Variants in TTF1 observed in about 807,000 individuals in gnomAD.
The protein encoded by TTF1 is transcription termination factor, RNA polymerase I.
TTF1 carries 64 observed loss-of-function variants against 80.2 expected under a neutral mutation model. That is an observed-to-expected ratio of 0.80 (90% CI 0.65 to 0.98). The LOEUF (loss-of-function observed/expected upper bound fraction) is 0.98. Ranked by LOEUF, TTF1 falls within the 50% of genes least tolerant of loss-of-function variation. The pLI is 0.00. For synonymous variants in TTF1, 372 were observed against 382.7 expected, an observed-to-expected ratio of 0.97 and a Z score of 0.33; for missense variants, 1,023 against 1,086.2, an observed-to-expected ratio of 0.94 and a Z score of 0.82.
chr9:132,378,393 G>A lies in TTF1; in HGVS notation c.2464+666C>T, dbSNP rs567963632. Among the ~76,000 whole-genome samples, 22 of 133,400 alleles carry A rather than the reference G, an allele frequency of 1.6e-4. 1 individual carries two copies. Among genetic ancestry groups the A allele is most frequent in the Admixed American group, 3.1e-4 (4 of 12,982 alleles). 87.5% of individuals were successfully genotyped at this position (133,400 alleles called of 152,430 possible). A position where few individuals can be genotyped will look rare whatever the true frequency, so the allele number is the denominator to read the frequency against. On this transcript the variant is annotated intron_variant, in intron 10 of 10. Transcript: ENST00000334270. ...ATGCATGTGGTGTGTGTGAGTGCAT[G>A]CATGTGGTGTGAGTGCATGTGGTGT...
In TTF1 at chr9:132,384,321, C is replaced by T. The variant is rs978729479; in HGVS notation, c.2378+2235G>A. Among the ~76,000 whole-genome samples, 6 of 152,026 alleles carry T rather than the reference C, an allele frequency of 3.9e-5. No individual in the cohort carries two copies. The highest frequency in any genetic ancestry group is 1.2e-4 in the African/African-American group (5 of 41,378). On this transcript the variant is annotated intron_variant, in intron 9 of 10. Transcript: ENST00000334270. This position sits in a 1 kb window ranked among gnomAD's most constrained non-coding sequence, Gnocchi z 4.1. ...AGAAAAATGGAAAATGAGCTAAGAA[C>T]CCATCTCAAGAAGTTGAAGAACAGC...
chr9:132,385,170 G>A (rs556166275), intron 9 of TTF1, among the ~76,000 whole-genome samples: 67 of 152,258 alleles, frequency 4.4e-4, no homozygotes, highest in African/African-American at 1.5e-3. Context: ...TAACACATCT[G>A]AGTCACCTGG....
rs1312122066 is a variant in TTF1 at position 132,404,632 on chromosome 9, A to G, written c.-7-1804T>C. On this transcript the variant is annotated intron_variant, in intron 1 of 10. Transcript: ENST00000334270. ...AAAAATGCAACTGTCGTTTAACCCT[A>G]AAGTCTCATCCAGCTGTTCTCTTTC... 1.3e-5 allele frequency among the ~76,000 whole-genome samples: 2 copies of G among 152,168 alleles called. 1 individual carries two copies. Among genetic ancestry groups the G allele is most frequent in the South Asian group, 4.1e-4 (2 of 4,830 alleles).
At chr9:132,388,327 C>T in intron 7 of TTF1, 99 bp from the exon 8 acceptor site, 2 of 759,930 alleles carry the variant, frequency 2.6e-6, no homozygotes. Context: ...CATTCAGAAC[C>T]AACTTCTAAC....
At chr9:132,378,159 GTGCATGTGGTGTGTGTGAA>G (rs1564181901) in intron 10 of TTF1, among the ~76,000 whole-genome samples, 4 of 110,878 alleles carry the variant, frequency 3.6e-5, no homozygotes, top group Admixed American at 1.9e-4. Context: ...GTGTGTGTGA[GTGCATGTGGTGTGTGTGAA>G]TGCATGTGGT....
intron 6 of TTF1, among the ~76,000 whole-genome samples, chr9:132,391,872 A>C (rs1030900093): frequency 2.0e-5 from 3 of 152,220 alleles, no homozygotes; most frequent in African/African-American, 4.8e-5. Context: ...GTGTGGTAAA[A>C]ACCAGCCTAG....
intron 4 of TTF1, among the ~76,000 whole-genome samples, 183 bp from the exon 5 acceptor site, chr9:132,396,694 G>A (rs373493668): frequency 1.3e-5 from 2 of 148,542 alleles, no homozygotes; most frequent in Non-Finnish European, 1.5e-5. Flanking sequence ...TTTTGAGAGA[G>A]TCTCACTCTG....
At chr9:132,379,400 C>T (rs1320876286) in intron 9 of TTF1, among the ~76,000 whole-genome samples, 1 of 152,200 alleles carries the variant, frequency 6.6e-6, no homozygotes, top group African/African-American at 2.4e-5. Context: ...ATTAAGATAA[C>T]TTGTATCACT....
At position 132,401,969 on chromosome 9, in the gene TTF1, G is replaced by A. The variant is rs1224919145; in HGVS notation, c.853C>T (p.His285Tyr). The part of the protein sequence containing the change: ...SKKKKKKKSN[H>Y]QEFEALAMPE... The stretch of plus-strand genomic sequence containing the variant: ...ATGGCCAATGCCTCAAATTCCTGGT[G>A]ATTGGACTTTTTCTTCTTTTTTTTC... Residue 285 changes from histidine to tyrosine, a missense_variant, in exon 2 of 11, where the codon CAC becomes TAC. Physicochemically the swap from His to Tyr is moderately conservative, Grantham distance 83. Transcript: ENST00000334270. The A allele has an allele frequency of 6.2e-7, 1 of 1,613,786 alleles. No individual in the cohort carries two copies. The highest frequency in any genetic ancestry group is 2.2e-5 in the East Asian group (1 of 44,866).
intron 4 of TTF1, 89 bp from the exon 5 acceptor site, chr9:132,396,600 T>C (rs1166321): frequency 0.82 from 821,985 of 1,002,648 alleles, 340,483 homozygotes; most frequent in Non-Finnish European, 0.86. Context: ...TATAACAACA[T>C]GAACTATCCT....
chr9:132,396,932 C>T (rs1299445454), intron 4 of TTF1, among the ~76,000 whole-genome samples: 2 of 151,998 alleles, frequency 1.3e-5, no homozygotes, highest in Non-Finnish European at 2.9e-5. Flanking sequence ...TGGCCAGGTT[C>T]ATTTGGTGGC....
intron 9 of TTF1, among the ~76,000 whole-genome samples, chr9:132,380,314 G>A (rs1849347401): frequency 6.6e-6 from 1 of 152,096 alleles, no homozygotes; most frequent in African/African-American, 2.4e-5. Flanking sequence ...CCTGACTTCA[G>A]GTGACCCACC....
At chr9:132,378,208 AATGCATGTGGTGTGTGAGTGC>A (rs1849276034) in intron 10 of TTF1, among the ~76,000 whole-genome samples, 4 of 60,560 alleles carry the variant, frequency 6.6e-5, no homozygotes, top group East Asian at 6.1e-4. Context: ...TGTGCGTGTG[AATGCATGTGGTGTGTGAGTGC>A]ATGCATGTGG....
intron 5 of TTF1, among the ~76,000 whole-genome samples, chr9:132,393,983 A>G (rs1337607623): frequency 2.0e-5 from 3 of 151,196 alleles, no homozygotes; most frequent in Admixed American, 6.6e-5. Context: ...GCACAGTGGC[A>G]TGATCATGGC....
intron 9 of TTF1, 47 bp downstream of exon 9, chr9:132,386,509 G>T: frequency 7.1e-7 from 1 of 1,400,778 alleles, no homozygotes; most frequent in Non-Finnish European, 1.0e-6. Flanking sequence ...TATTTATTAA[G>T]TCATCTCTAT....
At chr9:132,391,801 C>T (rs1849563558) in intron 6 of TTF1, among the ~76,000 whole-genome samples, 1 of 152,224 alleles carries the variant, frequency 6.6e-6, no homozygotes, top group Non-Finnish European at 1.5e-5. Flanking sequence ...GGCTCTCCCA[C>T]CACCAGTTTA....
At chr9:132,405,455 G>A (rs1849849583) in intron 1 of TTF1, among the ~76,000 whole-genome samples, 1 of 152,174 alleles carries the variant, frequency 6.6e-6, no homozygotes, top group South Asian at 2.1e-4. Context: ...TGACCCACCT[G>A]CCTCGGCCTC....
At position 132,405,348 on chromosome 9, in the gene TTF1, C is replaced by T. The variant is rs1467230244; in HGVS notation, c.-8+1442G>A. The stretch of plus-strand genomic sequence containing the variant: ...GCCTCCGGAGTAGTAGCTGGGATTA[C>T]AGGCGCAAGCCACCAAGCCTGGCTA... On this transcript the variant is annotated intron_variant, in intron 1 of 10. Transcript: ENST00000334270. Among the ~76,000 whole-genome samples the T allele has an allele frequency of 2.6e-5, 4 of 152,340 alleles. No homozygotes were observed. The South Asian group carries it at 6.2e-4, about 24-fold the overall frequency.
chr9:132,384,697 C>T lies in TTF1; in HGVS notation c.2378+1859G>A, dbSNP rs1292054562. Among the ~76,000 whole-genome samples, 1 of 152,136 alleles carries T rather than the reference C, an allele frequency of 6.6e-6. No homozygotes were observed. The highest frequency in any genetic ancestry group is 1.5e-5 in the Non-Finnish European group (1 of 68,036). On this transcript the variant is annotated intron_variant, in intron 9 of 10. Coordinates refer to ENST00000334270, the MANE Select transcript of TTF1 (RefSeq NM_007344.4). The surrounding 1 kb of genome is among the most constrained non-coding windows in gnomAD (Gnocchi z 4.1). ...TTTGAGATGGAGTCTTGCTCTGTTG[C>T]CCAGGCTGGAGTGCAATGGCATGAT...
Sources: allele counts gnomAD v4.1 joint callset (sites outside exome capture counted in the v4.1 genomes callset), GRCh38; gene constraint gnomAD v4.1.1; non-coding constraint Gnocchi (gnomAD v3.1); transcripts MANE v1.5; gene names NCBI Gene and HGNC (gene_info 2026-07-23, HGNC 2026-07-21).